Variants in SCUBE1 observed in about 807,000 individuals in gnomAD.
SCUBE1 encodes signal peptide, CUB domain and EGF like domain containing 1.
In SCUBE1, 59 loss-of-function variants were observed where a neutral mutation model predicts 124.4. That is an observed-to-expected ratio of 0.47 (90% CI 0.38 to 0.59). The LOEUF is 0.59. SCUBE1 is among the 20% of genes least tolerant of loss of function. The pLI is 0.00. For synonymous variants in SCUBE1, 545 were observed against 550.9 expected, an observed-to-expected ratio of 0.99 and a Z score of 0.15; for missense variants, 1,150 against 1,371.2, an observed-to-expected ratio of 0.84 and a Z score of 2.55.
intron 6 of SCUBE1, among the ~76,000 whole-genome samples, chr22:43,246,319 G>A (rs997600161): frequency 1.8e-4 from 27 of 152,308 alleles, no homozygotes; most frequent in Admixed American, 4.6e-4. Flanking sequence ...TCATGGCCGT[G>A]CCCCAGGAGG....
At chr22:43,321,056 C>CTCTCCGA (rs1357488148) in intron 2 of SCUBE1, among the ~76,000 whole-genome samples, 6 of 152,148 alleles carry the variant, frequency 3.9e-5, no homozygotes, top group Non-Finnish European at 8.8e-5. Flanking sequence ...CTCCGAGACA[C>CTCTCCGA]GATGGGGAGA....
At position 43,202,375 on chromosome 22, in the gene SCUBE1, G is replaced by A. The variant is rs12484656; in HGVS notation, c.*1622C>T. On this transcript the variant is annotated 3_prime_UTR_variant, in exon 22 of 22. Transcript: ENST00000360835. ...AGAGGCAACTTCGAGCTGAAGACTG[G>A]AGTTCATTTTCAGATTCTCCCAGGT... 0.24 allele frequency: 36,297 copies of A among 152,126 alleles called. 5,448 individuals are homozygous for A. The highest frequency in any genetic ancestry group is 0.34 in the Middle Eastern group (101 of 294). The allele number at this position is 152,126 out of a possible 1,614,324, so 9.4% of individuals were successfully genotyped here.
In SCUBE1 at chr22:43,218,469, A is replaced by G; in HGVS notation, c.1688-11T>C. On this transcript the variant is annotated splice_polypyrimidine_tract_variant and intron_variant, in intron 14 of 21. Coordinates refer to ENST00000360835, the MANE Select transcript of SCUBE1 (RefSeq NM_173050.5). ...CCGCTTCGCATGTGTCTGCAGGGGC[A>G]GGAGAGACAGAACATGAATCGCTGG... 5 of 1,607,158 alleles carry G rather than the reference A, an allele frequency of 3.1e-6. No individual in the cohort carries two copies. The highest frequency in any genetic ancestry group is 4.2e-6 in the Non-Finnish European group (5 of 1,179,150).
intron 2 of SCUBE1, among the ~76,000 whole-genome samples, chr22:43,328,937 C>T (rs1057305203): frequency 2.0e-5 from 3 of 152,232 alleles, no homozygotes; most frequent in Non-Finnish European, 4.4e-5. Context: ...GATCACCCAG[C>T]TAGAAGGTGG....
intron 3 of SCUBE1, among the ~76,000 whole-genome samples, chr22:43,299,012 C>T (rs1410930545): frequency 2.0e-5 from 3 of 149,970 alleles, no homozygotes; most frequent in African/African-American, 7.4e-5. Context: ...GACCGCACCA[C>T]TGCACTCTGG....
At chr22:43,288,169 G>A (rs959515721) in intron 4 of SCUBE1, among the ~76,000 whole-genome samples, 2 of 152,228 alleles carry the variant, frequency 1.3e-5, no homozygotes, top group Non-Finnish European at 2.9e-5. Flanking sequence ...GGTTAATGCA[G>A]ATTGGGACTG....
intron 4 of SCUBE1, 69 bp downstream of exon 4, chr22:43,290,977 G>A: frequency 6.8e-7 from 1 of 1,470,324 alleles, no homozygotes; most frequent in Non-Finnish European, 9.1e-7. Context: ...ATTGAGATGT[G>A]GAGAAGGGGA....
At chr22:43,328,775 A>G (rs942554293) in intron 2 of SCUBE1, among the ~76,000 whole-genome samples, 2 of 152,082 alleles carry the variant, frequency 1.3e-5, no homozygotes, top group Non-Finnish European at 2.9e-5. Context: ...CTTCCTCTCC[A>G]TTGTAATAAA....
At chr22:43,316,102 C>T (rs765380133) in intron 3 of SCUBE1, among the ~76,000 whole-genome samples, 2 of 152,148 alleles carry the variant, frequency 1.3e-5, no homozygotes, top group Non-Finnish European at 2.9e-5. Context: ...CAGATGAATG[C>T]TGGTTACATG....
chr22:43,320,007 G>A lies in SCUBE1; in HGVS notation c.279C>T (p.Asn93=). The A allele has an allele frequency of 1.2e-6, 2 of 1,614,162 alleles. No homozygotes were observed. Among genetic ancestry groups the A allele is most frequent in the East Asian group, 2.2e-5 (1 of 44,884 alleles). The part of the protein sequence containing the change: ...YNGGCVHECI[N]IPGNYRCTCF... ...AGGTACACCTGTAGTTCCCCGGGAT[G>A]TTGATGCACTCGTGGACACAGCCCC... is the stretch of plus-strand genomic sequence containing the variant. The change falls in exon 3 of 22, where the codon AAC becomes AAT. Residue 93 remains asparagine (N), a synonymous_variant. Coordinates refer to ENST00000360835, the MANE Select transcript of SCUBE1 (RefSeq NM_173050.5).
intron 3 of SCUBE1, among the ~76,000 whole-genome samples, chr22:43,317,463 A>G (rs1926391104): frequency 1.3e-5 from 2 of 152,212 alleles, no homozygotes; most frequent in Admixed American, 1.3e-4. Context: ...ACATTATCTC[A>G]GTCACTGCTC....
At chr22:43,243,765 GATC>G (rs1000209536) in intron 6 of SCUBE1, among the ~76,000 whole-genome samples, 1 of 152,212 alleles carries the variant, frequency 6.6e-6, no homozygotes, top group Admixed American at 6.5e-5. Flanking sequence ...GCATGGAGAT[GATC>G]ATATTTACCA....
chr22:43,280,396 C>CTTCCCCTCACCCATCCTTCT (rs112337349), intron 4 of SCUBE1, among the ~76,000 whole-genome samples: 6 of 106,444 alleles, frequency 5.6e-5, no homozygotes, highest in African/African-American at 2.6e-4. Flanking sequence ...ACCCATCCCC[C>CTTCCCCTCACCCATCCTTCT]GTCCCTTCCC....
intron 3 of SCUBE1, among the ~76,000 whole-genome samples, chr22:43,300,201 G>A (rs1925717578): frequency 6.6e-6 from 1 of 151,746 alleles, no homozygotes; most frequent in African/African-American, 2.4e-5. Flanking sequence ...GGAAATGACT[G>A]TTTACCACGG....
chr22:43,329,368 G>A (rs1926829781), intron 2 of SCUBE1, among the ~76,000 whole-genome samples: 1 of 152,270 alleles, frequency 6.6e-6, no homozygotes, highest in Non-Finnish European at 1.5e-5. Flanking sequence ...CCCTGAGGAA[G>A]GAGCTGCCCA....
intron 3 of SCUBE1, among the ~76,000 whole-genome samples, chr22:43,301,315 A>G (rs1414943361): frequency 6.6e-6 from 1 of 151,954 alleles, no homozygotes; most frequent in African/African-American, 2.4e-5. Flanking sequence ...CCTGCCTGAA[A>G]GCCCACAAAG....
intron 3 of SCUBE1, among the ~76,000 whole-genome samples, chr22:43,293,251 T>A (rs904375145): frequency 1.3e-5 from 2 of 152,214 alleles, no homozygotes; most frequent in African/African-American, 4.8e-5. Context: ...GTTTATTATG[T>A]GTTAGGCGCA....
At position 43,210,358 on chromosome 22, in the gene SCUBE1, C is replaced by G. The variant is rs552849033; in HGVS notation, c.2384-118G>C. The G allele has an allele frequency of 6.0e-4, 490 of 814,732 alleles. No individual in the cohort carries two copies. Among genetic ancestry groups the G allele is most frequent in the Admixed American group, 2.1e-3 (60 of 29,138 alleles). The allele number at this position is 814,732 out of a possible 1,614,324, so 50.5% of individuals were successfully genotyped here. On this transcript the variant is annotated intron_variant, in intron 18 of 21. Coordinates refer to ENST00000360835, the MANE Select transcript of SCUBE1 (RefSeq NM_173050.5). The surrounding 1 kb of genome is among the most constrained non-coding windows in gnomAD (Gnocchi z 4.5). ...GGGCTGGAAGGTGCTCTTGTCCCCC[C>G]CCACACTAGCCCTCGGACCCTGAGC...
intron 1 of SCUBE1, among the ~76,000 whole-genome samples, chr22:43,342,887 C>T (rs1453490822): frequency 6.6e-6 from 1 of 151,870 alleles, no homozygotes; most frequent in Non-Finnish European, 1.5e-5. Flanking sequence ...CGCGGGGTCC[C>T]CGGGAACCGC....
Sources: allele counts gnomAD v4.1 joint callset (sites outside exome capture counted in the v4.1 genomes callset), GRCh38; gene constraint gnomAD v4.1.1; non-coding constraint Gnocchi (gnomAD v3.1); transcripts MANE v1.5; gene names NCBI Gene and HGNC (gene_info 2026-07-23, HGNC 2026-07-21).